Variants in GALNS observed in about 807,000 individuals in gnomAD.
GALNS encodes the protein N-acetylgalactosamine-6-sulfatase.
GALNS carries 65 observed loss-of-function variants against 65.9 expected under a neutral mutation model. That is an observed-to-expected ratio of 0.99 (90% CI 0.81 to 1.21). The LOEUF (loss-of-function observed/expected upper bound fraction) is 1.21, where lower values mean the gene tolerates loss of function less well. GALNS is among the 50% of genes most tolerant of loss of function. The pLI is 0.00. For missense variants in GALNS, 776 were observed against 700.7 expected (o/e 1.11, Z -1.21); for synonymous variants, 346 against 288.9 (o/e 1.20, Z -2.00).
chr16:88,831,960 GGACCTGCTGCCCGGCA>G, intron 9 of GALNS, 22 bp downstream of exon 9: 3 of 1,563,408 alleles, frequency 1.9e-6, no homozygotes, highest in Non-Finnish European at 2.6e-6. Context: ...CTGCAGGCCT[GGACCTGCTGCCCGGCA>G]GACCGGTGGA....
At chr16:88,855,862 G>A in intron 1 of GALNS, 1 of 504,822 alleles carries the variant, frequency 2.0e-6, no homozygotes, top group Non-Finnish European at 3.6e-6. Flanking sequence ...GCACACAGGG[G>A]CTGAGCGACA....
intron 1 of GALNS, among the ~76,000 whole-genome samples, chr16:88,850,650 G>A (rs1256267743): frequency 1.3e-5 from 2 of 152,218 alleles, no homozygotes; most frequent in Non-Finnish European, 2.9e-5. Flanking sequence ...GCATCAGCCA[G>A]GGGAGAAGGT....
intron 3 of GALNS, among the ~76,000 whole-genome samples, chr16:88,841,339 C>T (rs540275154): frequency 3.3e-5 from 5 of 152,270 alleles, no homozygotes; most frequent in South Asian, 2.1e-4. Flanking sequence ...TGCCCCCCAG[C>T]GCCTTCCTTG....
chr16:88,827,189 G>T (rs1417486153), intron 9 of GALNS: 1 of 363,230 alleles, frequency 2.8e-6, no homozygotes, highest in Non-Finnish European at 5.2e-6. Flanking sequence ...ATGCCCTAAG[G>T]CCACTGTGAG....
At chr16:88,837,356 C>T (rs1040140762) in intron 5 of GALNS, among the ~76,000 whole-genome samples, 1 of 152,226 alleles carries the variant, frequency 6.6e-6, no homozygotes, top group African/African-American at 2.4e-5. Flanking sequence ...TGGGCTCGCT[C>T]TGCTGGGGGC....
intron 1 of GALNS, chr16:88,856,410 A>C: frequency 1.4e-6 from 1 of 701,348 alleles, no homozygotes; most frequent in South Asian, 1.5e-5. Flanking sequence ...GGGAAAGGTC[A>C]GACGGGGGAG....
chr16:88,825,539 C>T (rs1057356876), intron 10 of GALNS, among the ~76,000 whole-genome samples: 3 of 81,188 alleles, frequency 3.7e-5, no homozygotes, highest in Non-Finnish European at 9.3e-5. Flanking sequence ...GCAGCCGGGG[C>T]TGGGGTGCCT....
intron 9 of GALNS, among the ~76,000 whole-genome samples, chr16:88,830,488 C>G (rs528419482): frequency 6.6e-6 from 1 of 152,202 alleles, no homozygotes; most frequent in Non-Finnish European, 1.5e-5. Flanking sequence ...ACTGGGAGCC[C>G]CCCCCATCCT....
intron 9 of GALNS, chr16:88,827,200 C>A (rs1291607205): frequency 3.0e-6 from 1 of 329,992 alleles, no homozygotes; most frequent in South Asian, 3.4e-5. Flanking sequence ...CCACTGTGAG[C>A]CCTGCCCCTT....
Position 88,841,973 on chromosome 16 carries a change from T to C in GALNS, c.245-2A>G, listed in dbSNP as rs1352162269. On this transcript the variant is annotated splice_acceptor_variant, in intron 2 of 13. Transcript: ENST00000268695. LOFTEE classifies it high-confidence loss of function. ...GTCCTGTGAGCAGTGCCGCCCTCGC[T>C]ATGTGGAGGTGACAGAAACAGAAAC... 6.2e-7 allele frequency: 1 copy of C among 1,611,046 alleles called. No homozygotes were observed. Among genetic ancestry groups the C allele is most frequent in the Admixed American group, 1.7e-5 (1 of 59,600 alleles).
intron 4 of GALNS, among the ~76,000 whole-genome samples, chr16:88,839,586 A>G (rs1450268520): frequency 6.6e-6 from 1 of 152,202 alleles, no homozygotes; most frequent in African/African-American, 2.4e-5. Context: ...AGTCTGAGTC[A>G]TGGCTGACAA....
intron 7 of GALNS, 61 bp downstream of exon 7, chr16:88,835,664 C>T (rs773399286): frequency 6.2e-7 from 1 of 1,610,064 alleles, no homozygotes. Flanking sequence ...TGTCCCATCT[C>T]TGGAGTCAAG....
At chr16:88,850,815 G>A (rs957024039) in intron 1 of GALNS, among the ~76,000 whole-genome samples, 3 of 152,256 alleles carry the variant, frequency 2.0e-5, no homozygotes, top group Non-Finnish European at 2.9e-5. Context: ...CAGTGCGGCC[G>A]CCTCTGCCTG....
chr16:88,835,231 T>C lies in GALNS; in HGVS notation c.880A>G (p.Ile294Val). 6.3e-7 allele frequency: 1 copy of C among 1,594,878 alleles called. No homozygotes were observed. The highest frequency in any genetic ancestry group is 8.5e-7 in the Non-Finnish European group (1 of 1,169,730). The change falls in exon 8 of 14, where the codon ATT (isoleucine) becomes GTT (valine). Residue 294 changes from isoleucine (I) to valine (V), a missense_variant. Transcript: ENST00000268695. ...CACTCACCTTGTTCGGGGGCGGAAA[T>C]GAGGGCAGCGCCGTTGTCCGACGTG... is the stretch of plus-strand genomic sequence containing the variant. The part of the protein sequence containing the change: ...FFTSDNGAAL[I>V]SAPEQGGSNG...
At chr16:88,845,602 C>G (rs1388988422) in intron 1 of GALNS, 1 of 151,346 alleles carries the variant, frequency 6.6e-6, no homozygotes, top group Admixed American at 6.6e-5. Context: ...CAAGAATTAG[C>G]TGGGCATGGT....
chr16:88,840,306 G>A (rs1434926116), intron 4 of GALNS: 1 of 153,802 alleles, frequency 6.5e-6, no homozygotes, highest in Non-Finnish European at 1.4e-5. Flanking sequence ...GATCACAGAG[G>A]CTGGGAAAGC....
intron 3 of GALNS, among the ~76,000 whole-genome samples, 174 bp from the exon 4 acceptor site, chr16:88,841,268 T>A (rs1041246725): frequency 2.0e-5 from 3 of 152,096 alleles, no homozygotes; most frequent in African/African-American, 7.2e-5. Flanking sequence ...TTCCCAAGAT[T>A]TTTCCAGGCA....
chr16:88,822,465 ACAG>A, intron 12 of GALNS, 121 bp downstream of exon 12: 1 of 1,312,108 alleles, frequency 7.6e-7, no homozygotes, highest in Non-Finnish European at 1.1e-6. Context: ...ATGAATAGCA[ACAG>A]CAGATGCAGG....
chr16:88,856,575 G>T, intron 1 of GALNS, 183 bp downstream of exon 1: 1 of 425,210 alleles, frequency 2.4e-6, no homozygotes, highest in South Asian at 1.8e-5. Flanking sequence ...CTCCCCGCAC[G>T]GGGATACCCC....
Sources: gnomAD v4.1 joint callset for allele counts (sites outside exome capture counted in the v4.1 genomes callset) on GRCh38, gnomAD v4.1.1 for gene constraint, MANE v1.5 for transcripts, NCBI Gene and HGNC (gene_info 2026-07-23, HGNC 2026-07-21) for gene names.